RIN3: variants seen among roughly 807,000 people sequenced by gnomAD.
RIN3 encodes RAB5 interacting protein 3.
Under a neutral mutation model 76.3 loss-of-function variants are expected in RIN3, and 54 were observed. The ratio of observed to expected loss-of-function variants is 0.71; its 90% confidence interval spans 0.57 to 0.89. The LOEUF (loss-of-function observed/expected upper bound fraction) is 0.89. Ranked by LOEUF, RIN3 falls within the 40% of genes least tolerant of loss-of-function variation. The probability of loss-of-function intolerance (pLI) is 0.00; values close to 1 mark genes in which losing one functional copy is unlikely to be tolerated. For missense variants in RIN3, 1,256 were observed against 1,322.1 expected (o/e 0.95, Z 0.78); for synonymous variants, 576 against 564.0 (o/e 1.02, Z -0.30).
chr14:92,558,095 T>A (rs1897650688), intron 2 of RIN3, among the ~76,000 whole-genome samples: 1 of 152,292 alleles, frequency 6.6e-6, no homozygotes, highest in Non-Finnish European at 1.5e-5. Flanking sequence ...ATGCCTATAA[T>A]CCCAGCACTT....
intron 1 of RIN3, among the ~76,000 whole-genome samples, chr14:92,531,289 T>C (rs531889023): frequency 1.2e-4 from 19 of 152,298 alleles, no homozygotes; most frequent in African/African-American, 4.6e-4. Flanking sequence ...AATGTATGTG[T>C]TGAAATCCAA....
At chr14:92,570,098 C>A (rs1328344780) in intron 2 of RIN3, among the ~76,000 whole-genome samples, 1 of 152,196 alleles carries the variant, frequency 6.6e-6, no homozygotes, top group African/African-American at 2.4e-5. Context: ...GGGTGTGTGT[C>A]CCCTGCACGT....
intron 7 of RIN3, among the ~76,000 whole-genome samples, chr14:92,666,972 T>C (rs1013054299): frequency 6.6e-6 from 1 of 151,990 alleles, no homozygotes; most frequent in African/African-American, 2.4e-5. Context: ...GACCAGGTGG[T>C]GGGACGTGGG....
intron 1 of RIN3, among the ~76,000 whole-genome samples, chr14:92,522,006 T>C (rs1566825519): frequency 6.6e-6 from 1 of 151,834 alleles, no homozygotes; most frequent in Non-Finnish European, 1.5e-5. Flanking sequence ...GGACAAGTTG[T>C]GTGTGGGAGC....
chr14:92,614,642 G>A (rs1169912477), intron 3 of RIN3, among the ~76,000 whole-genome samples: 1 of 151,846 alleles, frequency 6.6e-6, no homozygotes, highest in Non-Finnish European at 1.5e-5. Context: ...TCTCCTGGTA[G>A]TGAATAAGGC....
chr14:92,534,892 A>G (rs575574149), intron 1 of RIN3, among the ~76,000 whole-genome samples: 1 of 152,338 alleles, frequency 6.6e-6, no homozygotes, highest in Non-Finnish European at 1.5e-5. Context: ...ATTATAATAC[A>G]CATTTATTGT....
At chr14:92,650,671 T>C (rs1887382251) in intron 5 of RIN3, among the ~76,000 whole-genome samples, 1 of 152,204 alleles carries the variant, frequency 6.6e-6, no homozygotes, top group South Asian at 2.1e-4. Flanking sequence ...GGGTGGCCTA[T>C]GCACTGACTG....
intron 7 of RIN3, among the ~76,000 whole-genome samples, chr14:92,673,754 C>T (rs375691486): frequency 1.8e-4 from 27 of 152,328 alleles, no homozygotes; most frequent in African/African-American, 3.1e-4. Flanking sequence ...GATCCGCATG[C>T]GTCGGCCTCC....
chr14:92,570,832 G>A (rs765710145), intron 2 of RIN3, among the ~76,000 whole-genome samples: 30 of 152,192 alleles, frequency 2.0e-4, no homozygotes, highest in Non-Finnish European at 3.5e-4. Flanking sequence ...GTTTTAGCAG[G>A]ATGACATTTT....
At chr14:92,639,702 G>A (rs1051074938) in intron 4 of RIN3, among the ~76,000 whole-genome samples, 3 of 152,288 alleles carry the variant, frequency 2.0e-5, no homozygotes, top group South Asian at 2.1e-4. Context: ...TTTCCTTTCC[G>A]GGCCCCTGTT....
intron 6 of RIN3, among the ~76,000 whole-genome samples, chr14:92,655,385 A>G (rs1323167470): frequency 1.3e-5 from 2 of 151,834 alleles, no homozygotes; most frequent in African/African-American, 4.8e-5. Flanking sequence ...AGACAAAGGG[A>G]GAGAGAGAGA....
At chr14:92,674,262 C>G (rs912173177) in intron 7 of RIN3, among the ~76,000 whole-genome samples, 7 of 152,180 alleles carry the variant, frequency 4.6e-5, no homozygotes, top group Admixed American at 1.3e-4. Context: ...GCCTTCACAC[C>G]GCGCCTCTCA....
At chr14:92,603,166 C>T (rs1885405328) in intron 3 of RIN3, among the ~76,000 whole-genome samples, 1 of 152,188 alleles carries the variant, frequency 6.6e-6, no homozygotes, top group Non-Finnish European at 1.5e-5. Context: ...GTGTTGGAGC[C>T]TTACAGAGGG....
intron 3 of RIN3, among the ~76,000 whole-genome samples, chr14:92,599,918 G>C (rs1386484773): frequency 2.0e-5 from 3 of 152,128 alleles, no homozygotes; most frequent in African/African-American, 7.2e-5. Context: ...TAATTGCCTG[G>C]GAGCTTTGAG....
chr14:92,622,729 G>T (rs1219685912), intron 4 of RIN3, among the ~76,000 whole-genome samples: 2 of 152,178 alleles, frequency 1.3e-5, no homozygotes, highest in Admixed American at 6.5e-5. Context: ...GGAAGCACAG[G>T]TATAGTACAT....
intron 4 of RIN3, among the ~76,000 whole-genome samples, chr14:92,621,929 G>C (rs1379002018): frequency 6.6e-6 from 1 of 152,176 alleles, no homozygotes; most frequent in Non-Finnish European, 1.5e-5. Context: ...GCCAATGAAG[G>C]CTATGAACCA....
intron 7 of RIN3, among the ~76,000 whole-genome samples, chr14:92,663,207 G>A (rs181613088): frequency 1.3e-3 from 194 of 152,284 alleles, no homozygotes; most frequent in Middle Eastern, 3.4e-3. Flanking sequence ...TAAAGCTAGC[G>A]TCATCTCACA....
At chr14:92,534,362 T>G (rs939481374) in intron 1 of RIN3, among the ~76,000 whole-genome samples, 3 of 151,646 alleles carry the variant, frequency 2.0e-5, no homozygotes, top group African/African-American at 7.3e-5. Flanking sequence ...GGCGGATCAC[T>G]TGAGGTCAGG....
At chr14:92,586,011 A>G (rs918766337) in intron 3 of RIN3, among the ~76,000 whole-genome samples, 1 of 152,114 alleles carries the variant, frequency 6.6e-6, no homozygotes, top group African/African-American at 2.4e-5. Context: ...TCTGGGTTTT[A>G]ATTCTCTGTC....
Sources: gnomAD v4.1 joint callset for allele counts (sites outside exome capture counted in the v4.1 genomes callset) on GRCh38, gnomAD v4.1.1 for gene constraint, MANE v1.5 for transcripts, NCBI Gene and HGNC (gene_info 2026-07-23, HGNC 2026-07-21) for gene names.